Variants in DMD observed in about 807,000 individuals in gnomAD.
DMD encodes dystrophin.
A neutral mutation model predicts 330.1 loss-of-function variants in DMD; 63 were observed. The ratio of observed to expected loss-of-function variants is 0.19; its 90% CI spans 0.16 to 0.24. DMD has a LOEUF of 0.24. Among genes scored for constraint, DMD ranks in the 10% least tolerant of loss-of-function variants. The pLI is 1.00. For missense variants in DMD, 3,344 were observed against 2,684.1 expected, an observed-to-expected ratio of 1.25 and a Z score of -5.43; for synonymous variants, 1,223 against 959.8, an observed-to-expected ratio of 1.27 and a Z score of -5.07.
intron 41 of DMD, among the ~76,000 whole-genome samples, chrX:32,327,576 T>C (rs1279529190): frequency 8.9e-6 from 1 of 111,764 alleles, no homozygotes; most frequent in Non-Finnish European, 1.9e-5. Context: ...AAGATTACGC[T>C]CAATTCTTTT....
intron 4 of DMD, among the ~76,000 whole-genome samples, chrX:32,831,954 G>A (rs2079188893): frequency 9.1e-6 from 1 of 110,348 alleles, no homozygotes. Context: ...CAGTGACAAG[G>A]ACATTTCAGA....
chrX:32,020,058 C>T (rs2095796000), intron 44 of DMD, among the ~76,000 whole-genome samples: 1 of 112,880 alleles, frequency 8.9e-6, no homozygotes, highest in Non-Finnish European at 1.9e-5. Flanking sequence ...TTGAAATTCA[C>T]TAGTAGATCA....
chrX:31,365,787 G>C (rs2059198428), intron 60 of DMD, among the ~76,000 whole-genome samples: 1 of 112,487 alleles, frequency 8.9e-6, no homozygotes, highest in African/African-American at 3.2e-5. Context: ...CCACCTCCTG[G>C]CTGGAGAGCA....
chrX:32,442,518 C>A (rs1237452929), intron 27 of DMD, among the ~76,000 whole-genome samples: 3 of 110,620 alleles, frequency 2.7e-5, no homozygotes, highest in Non-Finnish European at 5.7e-5. Flanking sequence ...AGAAGATATA[C>A]ATGAACAAAA....
chrX:32,191,253 T>C (rs919139187), intron 44 of DMD, among the ~76,000 whole-genome samples: 1 of 111,939 alleles, frequency 8.9e-6, no homozygotes, highest in Non-Finnish European at 1.9e-5. Flanking sequence ...TAAATTTTTG[T>C]GTCCGTAACA....
chrX:32,646,606 C>T (rs1192835990), intron 9 of DMD, among the ~76,000 whole-genome samples: 1 of 111,334 alleles, frequency 9.0e-6, no homozygotes, highest in Non-Finnish European at 1.9e-5. Context: ...TGGCTTTCCC[C>T]TGGTGTGTAT....
At chrX:31,288,126 G>A (rs1396687534) in intron 62 of DMD, among the ~76,000 whole-genome samples, 2 of 111,456 alleles carry the variant, frequency 1.8e-5, no homozygotes, top group Non-Finnish European at 3.8e-5. Flanking sequence ...AAGCAACGGT[G>A]GAAGCAGAAG....
intron 67 of DMD, among the ~76,000 whole-genome samples, chrX:31,187,941 G>A (rs1192510627): frequency 2.7e-5 from 3 of 112,152 alleles, no homozygotes; most frequent in East Asian, 5.6e-4. Flanking sequence ...AATTTAGGCT[G>A]TAGCTCATAT....
At chrX:33,089,356 G>A (rs1347011135) in intron 1 of DMD, among the ~76,000 whole-genome samples, 1 of 110,949 alleles carries the variant, frequency 9.0e-6, no homozygotes, top group Non-Finnish European at 1.9e-5. Flanking sequence ...GAGCCACCGT[G>A]CGGCCCTGTT....
intron 55 of DMD, among the ~76,000 whole-genome samples, chrX:31,611,998 A>C (rs757946232): frequency 9.0e-6 from 1 of 111,288 alleles, no homozygotes; most frequent in African/African-American, 3.3e-5. Flanking sequence ...ACCATTTTTA[A>C]GTATACAGTT....
intron 48 of DMD, among the ~76,000 whole-genome samples, chrX:31,852,481 A>G (rs2093545783): frequency 8.9e-6 from 1 of 111,816 alleles, no homozygotes; most frequent in African/African-American, 3.3e-5. Context: ...ACTGGTGAAG[A>G]GTATGGGCTC....
chrX:31,478,461 A>G (rs1363616228), intron 58 of DMD, 87 bp from the exon 59 acceptor site: 29 of 1,146,653 alleles, frequency 2.5e-5, no homozygotes, highest in Non-Finnish European at 3.4e-5. Context: ...AAGAAAGAGT[A>G]CAGTTGAACA....
intron 4 of DMD, among the ~76,000 whole-genome samples, chrX:32,836,087 A>C (rs1300732915): frequency 1.8e-5 from 2 of 110,052 alleles, no homozygotes; most frequent in Non-Finnish European, 3.8e-5. Context: ...ACTAGAGTGC[A>C]GTGGTATGAT....
intron 1 of DMD, among the ~76,000 whole-genome samples, chrX:33,314,387 C>T (rs374194496): frequency 2.2e-4 from 24 of 107,595 alleles, no homozygotes; most frequent in Admixed American, 9.1e-4. Flanking sequence ...CTTCCCAAGT[C>T]GCTGGGACTA....
At chrX:33,288,015 T>C (rs1007237154) in intron 1 of DMD, among the ~76,000 whole-genome samples, 3 of 111,834 alleles carry the variant, frequency 2.7e-5, no homozygotes, top group Non-Finnish European at 3.8e-5. Context: ...TCGAGGTGAA[T>C]GGCTTTCCAG....
rs191659136 is a variant in DMD, at chrX:32,979,780, A to C, written c.93+40359T>G. 4.9e-3 allele frequency among the ~76,000 whole-genome samples: 542 copies of C among 111,521 alleles called. 3 individuals carry two copies. The highest frequency in any genetic ancestry group is 7.8e-3 in the Non-Finnish European group (416 of 53,099). ...GGAGAAGTAGTCTCATATAGAAGCTATTGTGGGTTTGGGTCCTTTAGAAAT... is the reference window on the plus strand; with the variant it reads ...GGAGAAGTAGTCTCATATAGAAGCTCTTGTGGGTTTGGGTCCTTTAGAAAT... On this transcript the variant is annotated intron_variant, in intron 2 of 78. Coordinates refer to ENST00000357033, the MANE Select transcript of DMD (RefSeq NM_004006.3).
chrX:32,466,859 C>T (rs1269619348), intron 23 of DMD, among the ~76,000 whole-genome samples: 2 of 111,673 alleles, frequency 1.8e-5, no homozygotes, highest in African/African-American at 6.5e-5. Context: ...TTAATTTTAG[C>T]CCACTGAGAC....
intron 1 of DMD, among the ~76,000 whole-genome samples, chrX:33,326,631 G>A (rs1237402762): frequency 1.8e-5 from 2 of 111,801 alleles, no homozygotes; most frequent in African/African-American, 6.5e-5. Flanking sequence ...TTGTTGTAAA[G>A]TACCTTCTCT....
At chrX:31,341,907 A>G (rs1300506049) in intron 61 of DMD, among the ~76,000 whole-genome samples, 1 of 109,759 alleles carries the variant, frequency 9.1e-6, no homozygotes, top group African/African-American at 3.4e-5. Flanking sequence ...ACACACACAC[A>G]CACACACACA....
Sources: gnomAD v4.1 joint callset for allele counts (sites outside exome capture counted in the v4.1 genomes callset) on GRCh38, gnomAD v4.1.1 for gene constraint, MANE v1.5 for transcripts, NCBI Gene and HGNC (gene_info 2026-07-23, HGNC 2026-07-21) for gene names.